SULT1C3: variants seen among roughly 807,000 people sequenced by gnomAD.
SULT1C3 encodes the protein sulfotransferase family 1C member 3.
Under a neutral mutation model 28.4 loss-of-function variants are expected in SULT1C3, and 31 were observed. That is an observed-to-expected ratio of 1.09 (90% CI 0.82 to 1.47). The LOEUF (loss-of-function observed/expected upper bound fraction) is 1.47. SULT1C3 is among the 40% of genes most tolerant of loss of function. SULT1C3 has a pLI of 0.00. For synonymous variants in SULT1C3, 106 were observed against 92.2 expected (o/e 1.15, Z -0.86); for missense variants, 307 against 272.5 (o/e 1.13, Z -0.89).
At chr2:108,258,440 G>A (rs997979741) in intron 5 of SULT1C3, among the ~76,000 whole-genome samples, 3 of 152,080 alleles carry the variant, frequency 2.0e-5, no homozygotes, top group African/African-American at 7.2e-5. Flanking sequence ...TGAATTAGTT[G>A]AGTCTGAAAC....
chr2:108,254,587 G>A (rs540895194), intron 4 of SULT1C3, among the ~76,000 whole-genome samples: 5 of 151,920 alleles, frequency 3.3e-5, no homozygotes, highest in Admixed American at 6.6e-5. Flanking sequence ...TGTCTGGCAC[G>A]TAGGAAGAGT....
chr2:108,264,785 A>G (rs1558668520), downstream of SULT1C3: 1 of 1,563,146 alleles, frequency 6.4e-7, no homozygotes, highest in Non-Finnish European at 8.7e-7. Context: ...CCAAGGGAAG[A>G]CCCAACATGA....
At chr2:108,247,406 G>A (rs371527953) in intron 2 of SULT1C3, 40 bp downstream of exon 2, 37 of 1,453,522 alleles carry the variant, frequency 2.5e-5, no homozygotes, top group African/African-American at 1.6e-4. Context: ...ATATTTTCAC[G>A]TGAAATTATT....
intron 4 of SULT1C3, among the ~76,000 whole-genome samples, chr2:108,254,841 G>A (rs1301112631): frequency 7.4e-6 from 1 of 135,694 alleles, no homozygotes; most frequent in Non-Finnish European, 1.6e-5. Flanking sequence ...ATATATATGT[G>A]TGTATATATA....
chr2:108,252,929 G>A (rs897477074), intron 3 of SULT1C3, among the ~76,000 whole-genome samples: 1 of 151,968 alleles, frequency 6.6e-6, no homozygotes, highest in Admixed American at 6.6e-5. Flanking sequence ...TTTCCTCAGA[G>A]TGTAAAACCC....
intron 5 of SULT1C3, 115 bp downstream of exon 5, chr2:108,255,813 T>A: frequency 7.6e-7 from 1 of 1,311,822 alleles, no homozygotes; most frequent in South Asian, 1.6e-5. Flanking sequence ...AGGTCCTATC[T>A]TGATGATCTG....
At position 108,260,786 on chromosome 2, in the gene SULT1C3, C is replaced by T. The variant is rs551636135; in HGVS notation, c.*106C>T. On this transcript the variant is annotated 3_prime_UTR_variant, in exon 8 of 8. Transcript: ENST00000681802. Reference sequence around the variant, plus strand: ...AATGTGGAGCTTATGAGCTTCAGTCCATCTCCTATAGTGTGGCTAGTTTGC... The same window carrying T: ...AATGTGGAGCTTATGAGCTTCAGTCTATCTCCTATAGTGTGGCTAGTTTGC... The T allele has an allele frequency of 2.6e-6, 1 of 391,880 alleles. No individual in the cohort carries two copies. The highest frequency in any genetic ancestry group is 7.2e-5 in the East Asian group (1 of 13,958). The allele number at this position is 391,880 out of a possible 1,614,324, so 24.3% of individuals were successfully genotyped here.
intron 4 of SULT1C3, among the ~76,000 whole-genome samples, chr2:108,254,464 T>C (rs1208206482): frequency 6.6e-6 from 1 of 152,022 alleles, no homozygotes; most frequent in Non-Finnish European, 1.5e-5. Flanking sequence ...TGTTTCCCCA[T>C]CATTTTGTTC....
At chr2:108,242,874 G>A (rs1675496171) in intron 1 of SULT1C3, among the ~76,000 whole-genome samples, 1 of 152,132 alleles carries the variant, frequency 6.6e-6, no homozygotes, top group African/African-American at 2.4e-5. Flanking sequence ...ACAAAAAATA[G>A]AGAAAAATAA....
Position 108,253,327 on chromosome 2 carries a change from TA to T in SULT1C3, c.302-15del. 6.8e-7 allele frequency: 1 copy of T among 1,475,366 alleles called. No homozygotes were observed. Among genetic ancestry groups the T allele is most frequent in the Non-Finnish European group, 9.1e-7 (1 of 1,102,314 alleles). 91.4% of individuals were successfully genotyped at this position (1,475,366 alleles called of 1,614,324 possible). On this transcript the variant is annotated splice_polypyrimidine_tract_variant and intron_variant, in intron 3 of 7. Coordinates refer to ENST00000681802, the MANE Select transcript of SULT1C3 (RefSeq NM_001320878.2). ...GAGTGCCAAGAATAAACAAAGAATA[TA>T]AATTGTTTCTTGCTAGATTTGGAGT...
chr2:108,241,272 C>G (rs1296618458), intron 1 of SULT1C3, among the ~76,000 whole-genome samples: 7 of 152,062 alleles, frequency 4.6e-5, no homozygotes, highest in African/African-American at 1.7e-4. Context: ...GTCCTGTTGA[C>G]AAAGAAAAAT....
At chr2:108,244,323 G>A (rs2104382115) in intron 1 of SULT1C3, among the ~76,000 whole-genome samples, 1 of 152,188 alleles carries the variant, frequency 6.6e-6, no homozygotes, top group South Asian at 2.1e-4. Context: ...GCATTTTTAA[G>A]TTTGGAAAAT....
In SULT1C3 at chr2:108,260,779, T is replaced by G. The variant is rs1676006257; in HGVS notation, c.*99T>G. 2.5e-6 allele frequency: 1 copy of G among 403,160 alleles called. No homozygotes were observed. Among genetic ancestry groups the G allele is most frequent in the African/African-American group, 2.1e-5 (1 of 48,552 alleles). The allele number at this position is 403,160 out of a possible 1,614,324, so 25.0% of individuals were successfully genotyped here. A position where few individuals can be genotyped will look rare whatever the true frequency, so the allele number is the denominator to read the frequency against. ...GTGACTGAATGTGGAGCTTATGAGC[T>G]TCAGTCCATCTCCTATAGTGTGGCT... On this transcript the variant is annotated 3_prime_UTR_variant, in exon 8 of 8. Coordinates refer to ENST00000681802, the MANE Select transcript of SULT1C3 (RefSeq NM_001320878.2).
chr2:108,256,099 G>A (rs1023369158), intron 5 of SULT1C3, among the ~76,000 whole-genome samples: 3 of 152,010 alleles, frequency 2.0e-5, no homozygotes, highest in African/African-American at 7.2e-5. Flanking sequence ...ACACTGCACA[G>A]CCACAGACAG....
At chr2:108,240,174 A>G (rs1675429847) in intron 1 of SULT1C3, among the ~76,000 whole-genome samples, 91 bp downstream of exon 1, 1 of 152,228 alleles carries the variant, frequency 6.6e-6, no homozygotes, top group Non-Finnish European at 1.5e-5. Flanking sequence ...CTTGTTAATC[A>G]TATAAAAAAT....
rs1675426786 is a variant in SULT1C3 at position 108,240,063 on chromosome 2, CT to C, written c.-27del. ...TTGACTAAAGGCAGCAAGCTGCTTC[CT>C]CTGCTGCCTGAGATACCAGGTAAGC... On this transcript the variant is annotated 5_prime_UTR_variant, in exon 1 of 8. Coordinates refer to ENST00000681802, the MANE Select transcript of SULT1C3 (RefSeq NM_001320878.2). Among the ~76,000 whole-genome samples, 1 of 152,210 alleles carries C rather than the reference CT, an allele frequency of 6.6e-6. No homozygotes were observed.
chr2:108,250,542 C>A (rs1054005040), intron 2 of SULT1C3, among the ~76,000 whole-genome samples: 1 of 151,828 alleles, frequency 6.6e-6, no homozygotes, highest in Non-Finnish European at 1.5e-5. Flanking sequence ...AACTCCAATC[C>A]TAGAGATTCA....
intron 2 of SULT1C3, among the ~76,000 whole-genome samples, chr2:108,248,401 T>C (rs556877733): frequency 6.6e-6 from 1 of 152,264 alleles, no homozygotes; most frequent in African/African-American, 2.4e-5. Flanking sequence ...ATCCTCAGAC[T>C]GAAGATGCTT....
rs1573214304 is a variant in SULT1C3, at chr2:108,245,623, C to T, written c.-7-1565C>T. Among the ~76,000 whole-genome samples the T allele has an allele frequency of 3.3e-5, 5 of 152,212 alleles. No individual in the cohort carries two copies. In the South Asian group the frequency reaches 1.0e-3, roughly 32 times the overall value. ...GTAGCTAGGAAGCAGGGTAACAAGA[C>T]CCTAGGCTGCACACAACGCGGGGAC... On this transcript the variant is annotated intron_variant, in intron 1 of 7. Transcript: ENST00000681802.
Sources: allele counts gnomAD v4.1 joint callset (sites outside exome capture counted in the v4.1 genomes callset), GRCh38; gene constraint gnomAD v4.1.1; transcripts MANE v1.5; gene names NCBI Gene and HGNC (gene_info 2026-07-23, HGNC 2026-07-21).